PCP4: variants seen among roughly 807,000 people sequenced by gnomAD.
PCP4 encodes Purkinje cell protein 4, also known as calmodulin regulator protein PCP4.
In PCP4, 8 loss-of-function variants were observed where a neutral mutation model predicts 10.0. That is an observed-to-expected ratio of 0.80 (90% CI 0.47 to 1.45). The LOEUF (loss-of-function observed/expected upper bound fraction) is 1.45. Among genes scored for constraint, PCP4 ranks in the 40% most tolerant of loss-of-function variants. The pLI is 0.00. For missense variants in PCP4, 54 were observed against 74.4 expected (o/e 0.73, Z 1.01); for synonymous variants, 21 against 23.0 (o/e 0.91, Z 0.24).
At position 39,911,134 on chromosome 21, in the gene PCP4, G is replaced by A. The variant is rs559365835; in HGVS notation, c.61+12607G>A. Among the ~76,000 whole-genome samples, 4 of 152,208 alleles carry A rather than the reference G, an allele frequency of 2.6e-5. No homozygotes were observed. In the East Asian group the frequency reaches 5.8e-4, roughly 22 times the overall value. ...GCACATGAGTCCACAGGAGAAATAC[G>A]ATGTATTTTCTTGGTGGAGGCAGTG... On this transcript the variant is annotated intron_variant, in intron 2 of 2. Transcript: ENST00000328619.
intron 2 of PCP4, among the ~76,000 whole-genome samples, chr21:39,923,152 A>C (rs1273492841): frequency 2.6e-5 from 4 of 152,218 alleles, no homozygotes; most frequent in African/African-American, 9.6e-5. Context: ...ATGGCTTACA[A>C]GGTGTTTTGG....
intron 2 of PCP4, among the ~76,000 whole-genome samples, chr21:39,916,374 A>T (rs1054026447): frequency 2.6e-5 from 4 of 152,184 alleles, no homozygotes; most frequent in Non-Finnish European, 4.4e-5. Flanking sequence ...CTAACTGGTT[A>T]TGGCTATAGG....
At chr21:39,902,198 C>A (rs2087485124) in intron 2 of PCP4, among the ~76,000 whole-genome samples, 1 of 151,970 alleles carries the variant, frequency 6.6e-6, no homozygotes, top group African/African-American at 2.4e-5. Context: ...ATTAAAAAAA[C>A]CATCAAAATG....
At chr21:39,893,918 C>T (rs1211954687) in intron 1 of PCP4, among the ~76,000 whole-genome samples, 2 of 152,122 alleles carry the variant, frequency 1.3e-5, no homozygotes. Context: ...ACAGAGCTGG[C>T]TTGAGCACCA....
intron 2 of PCP4, among the ~76,000 whole-genome samples, chr21:39,901,653 A>G (rs2087482939): frequency 6.6e-6 from 1 of 152,228 alleles, no homozygotes; most frequent in African/African-American, 2.4e-5. Context: ...TCCTGATGCT[A>G]TGAATAAGGC....
At chr21:39,890,576 C>G (rs960633124) in intron 1 of PCP4, among the ~76,000 whole-genome samples, 1 of 151,598 alleles carries the variant, frequency 6.6e-6, no homozygotes, top group Non-Finnish European at 1.5e-5. Context: ...ACCATGTTGG[C>G]CAGGCTGGTC....
At chr21:39,887,068 GA>G (rs2087403740) in intron 1 of PCP4, among the ~76,000 whole-genome samples, 3 of 152,008 alleles carry the variant, frequency 2.0e-5, no homozygotes, top group Admixed American at 2.0e-4. Flanking sequence ...ATATAGCTGT[GA>G]AAAAAAGTAT....
intron 1 of PCP4, among the ~76,000 whole-genome samples, chr21:39,892,130 A>G (rs1263459590): frequency 6.6e-6 from 1 of 152,224 alleles, no homozygotes; most frequent in East Asian, 1.9e-4. Context: ...CGCTTGATCA[A>G]GGAGCCCTCA....
At chr21:39,897,752 A>G (rs952406823) in intron 1 of PCP4, among the ~76,000 whole-genome samples, 8 of 152,166 alleles carry the variant, frequency 5.3e-5, no homozygotes, top group African/African-American at 1.9e-4. Context: ...ATTTATTTAA[A>G]AAGAAGACAT....
At chr21:39,905,980 G>A (rs904421071) in intron 2 of PCP4, among the ~76,000 whole-genome samples, 2 of 152,212 alleles carry the variant, frequency 1.3e-5, no homozygotes, top group Admixed American at 6.5e-5. Flanking sequence ...AACCCAGGAG[G>A]CAGAGCTTGC....
At chr21:39,895,121 T>A (rs1238255429) in intron 1 of PCP4, among the ~76,000 whole-genome samples, 5 of 150,840 alleles carry the variant, frequency 3.3e-5, no homozygotes, top group Middle Eastern at 3.4e-3. Context: ...TCATCCATCC[T>A]TAGGTCCACC....
At chr21:39,900,194 C>A in intron 2 of PCP4, among the ~76,000 whole-genome samples, 1 of 152,046 alleles carries the variant, frequency 6.6e-6, no homozygotes, top group Non-Finnish European at 1.5e-5. Context: ...ACCACCACGC[C>A]TGGCTAATTT....
intron 2 of PCP4, among the ~76,000 whole-genome samples, chr21:39,926,914 T>C (rs2146353232): frequency 6.6e-6 from 1 of 152,322 alleles, no homozygotes; most frequent in Non-Finnish European, 1.5e-5. Context: ...TGGGCTGTCC[T>C]GGGTTAAAAA....
At chr21:39,893,071 A>G (rs951990417) in intron 1 of PCP4, among the ~76,000 whole-genome samples, 3 of 152,130 alleles carry the variant, frequency 2.0e-5, no homozygotes, top group African/African-American at 7.2e-5. Context: ...ATACCTCTCA[A>G]TGGCCAGTCT....
chr21:39,902,408 G>C (rs1157775884), intron 2 of PCP4, among the ~76,000 whole-genome samples: 1 of 152,166 alleles, frequency 6.6e-6, no homozygotes, highest in Admixed American at 6.5e-5. Context: ...CCCAAGTCAG[G>C]TACATTAAAA....
In PCP4 at chr21:39,909,940, C is replaced by T. The variant is rs376055623; in HGVS notation, c.61+11413C>T. Among the ~76,000 whole-genome samples the T allele has an allele frequency of 3.2e-3, 488 of 152,012 alleles. 4 individuals are homozygous for T. Among genetic ancestry groups the T allele is most frequent in the South Asian group, 0.022 (105 of 4,814 alleles). The stretch of plus-strand genomic sequence containing the variant: ...CCACCCGAGTAGCTGGGATTACAGG[C>T]GCCCGCCACCACGTCTGGCTAATTT... On this transcript the variant is annotated intron_variant, in intron 2 of 2. Coordinates refer to ENST00000328619, the MANE Select transcript of PCP4 (RefSeq NM_006198.3).
chr21:39,923,967 T>C (rs1373095980), intron 2 of PCP4, among the ~76,000 whole-genome samples: 1 of 152,210 alleles, frequency 6.6e-6, no homozygotes, highest in African/African-American at 2.4e-5. Flanking sequence ...AGTCTCTCTT[T>C]TGAACAAATT....
chr21:39,867,535 G>A (rs760120247), intron 1 of PCP4, 25 bp downstream of exon 1: 7 of 1,612,746 alleles, frequency 4.3e-6, no homozygotes, highest in Middle Eastern at 3.3e-4. Context: ...GACCTGGAGA[G>A]GGAAACTTAG....
intron 2 of PCP4, among the ~76,000 whole-genome samples, chr21:39,917,274 G>T (rs1458420610): frequency 6.6e-6 from 1 of 152,182 alleles, no homozygotes; most frequent in East Asian, 1.9e-4. Flanking sequence ...CCCCACAGCT[G>T]CCCCAGAGAA....
Sources: gnomAD v4.1 joint callset for allele counts (sites outside exome capture counted in the v4.1 genomes callset) on GRCh38, gnomAD v4.1.1 for gene constraint, MANE v1.5 for transcripts, NCBI Gene and HGNC (gene_info 2026-07-23, HGNC 2026-07-21) for gene names.